Variants in TEAD1 observed in about 807,000 individuals in gnomAD.
TEAD1 encodes TEA domain transcription factor 1.
A neutral mutation model predicts 54.9 loss-of-function variants in TEAD1; 9 were observed. The observed-to-expected ratio is 0.16, with a 90% CI of 0.10 to 0.29. The LOEUF (loss-of-function observed/expected upper bound fraction) is 0.29, where lower values mean the gene tolerates loss of function less well. Ranked by LOEUF, TEAD1 falls within the 10% of genes least tolerant of loss-of-function variation. TEAD1 has a pLI of 1.00. For missense variants in TEAD1, 387 were observed against 535.9 expected (o/e 0.72, Z 2.74); for synonymous variants, 200 against 187.8 (o/e 1.07, Z -0.53).
chr11:12,837,198 C>CAA lies in TEAD1; in HGVS notation c.203-25052_203-25051insAA, dbSNP rs1387235560. Among the ~76,000 whole-genome samples the CAA allele has an allele frequency of 4.6e-5, 7 of 152,096 alleles. No homozygotes were observed. In the East Asian group the frequency reaches 1.3e-3, roughly 29 times the overall value. ...TAAAAGGGACGGTATAATTGGTTAC[C>CAA]CTCTTCCTTTCTTGCCCACTTAGCT... On this transcript the variant is annotated intron_variant, in intron 3 of 12. Transcript: ENST00000527636.
At chr11:12,884,677 A>G (rs1037131613) in intron 9 of TEAD1, among the ~76,000 whole-genome samples, 3 of 152,108 alleles carry the variant, frequency 2.0e-5, no homozygotes, top group Non-Finnish European at 4.4e-5. Context: ...AATTAGGGGG[A>G]AAAATGAGGG....
intron 5 of TEAD1, chr11:12,878,857 C>A (rs769853454): frequency 1.6e-4 from 199 of 1,267,082 alleles, no homozygotes; most frequent in Middle Eastern, 2.2e-4. Context: ...TTTATGCAAT[C>A]CTTTTAACAA....
At chr11:12,837,815 T>A (rs1461854291) in intron 3 of TEAD1, among the ~76,000 whole-genome samples, 2 of 150,588 alleles carry the variant, frequency 1.3e-5, no homozygotes, top group African/African-American at 2.4e-5. Flanking sequence ...CTTTTTTTTT[T>A]TTTTGAGACT....
chr11:12,857,718 C>T (rs1008854307), intron 3 of TEAD1, among the ~76,000 whole-genome samples: 17 of 151,764 alleles, frequency 1.1e-4, no homozygotes, highest in Non-Finnish European at 7.4e-5. Flanking sequence ...GGAAATGCTG[C>T]GTCTTAGTAA....
intron 11 of TEAD1, among the ~76,000 whole-genome samples, chr11:12,929,163 C>CGTGTGTGTGTGT (rs60060462): frequency 0.02 from 2,156 of 106,696 alleles, 94 homozygotes; most frequent in East Asian, 0.15. Context: ...TTTGCTTTGC[C>CGTGTGTGTGTGT]GTGTGTGTGT....
chr11:12,751,448 CAG>C (rs1436664879), intron 2 of TEAD1, among the ~76,000 whole-genome samples: 1 of 152,128 alleles, frequency 6.6e-6, no homozygotes, highest in Non-Finnish European at 1.5e-5. Flanking sequence ...TGTGGGAACA[CAG>C]AGGAGTGGGG....
chr11:12,935,619 C>G (rs1320380057), intron 12 of TEAD1, among the ~76,000 whole-genome samples: 1 of 152,054 alleles, frequency 6.6e-6, no homozygotes, highest in Admixed American at 6.5e-5. Flanking sequence ...GCCACTGTGC[C>G]CAGCTAATTT....
At chr11:12,691,502 AC>A (rs1310535888) in intron 2 of TEAD1, among the ~76,000 whole-genome samples, 9 of 152,066 alleles carry the variant, frequency 5.9e-5, no homozygotes, top group Admixed American at 2.0e-4. Flanking sequence ...TGCCATGTCA[AC>A]TCTAATCGTG....
chr11:12,756,685 A>G (rs1189160601), intron 2 of TEAD1, among the ~76,000 whole-genome samples: 1 of 152,202 alleles, frequency 6.6e-6, no homozygotes, highest in Non-Finnish European at 1.5e-5. Flanking sequence ...GTGAGGGTAT[A>G]GTGTATTTGA....
intron 2 of TEAD1, among the ~76,000 whole-genome samples, chr11:12,682,821 G>A (rs1412864974): frequency 2.6e-5 from 4 of 152,214 alleles, no homozygotes; most frequent in Admixed American, 2.0e-4. Flanking sequence ...ATGTACAGAG[G>A]TCATGGCAAT....
intron 11 of TEAD1, among the ~76,000 whole-genome samples, chr11:12,928,918 C>CT (rs1228346596): frequency 1.3e-5 from 2 of 152,134 alleles, no homozygotes; most frequent in African/African-American, 4.8e-5. Flanking sequence ...GATACAGCGC[C>CT]TTGGTATTAA....
At position 12,800,537 on chromosome 11, in the gene TEAD1, G is replaced by A. The variant is rs149779875; in HGVS notation, c.202+36103G>A. Among the ~76,000 whole-genome samples, 105 of 152,300 alleles carry A rather than the reference G, an allele frequency of 6.9e-4. 1 individual carries two copies. Among genetic ancestry groups the A allele is most frequent in the African/African-American group, 2.3e-3 (95 of 41,554 alleles). ...ACGTTCAGAGGGCTGATAAGGGAGGGGGACGCAAAGCATATCAATCAGGGA... is the reference window on the plus strand; with the variant it reads ...ACGTTCAGAGGGCTGATAAGGGAGGAGGACGCAAAGCATATCAATCAGGGA... On this transcript the variant is annotated intron_variant, in intron 3 of 12. Coordinates refer to ENST00000527636, the MANE Select transcript of TEAD1 (RefSeq NM_021961.6).
At chr11:12,712,355 A>G (rs1943958381) in intron 2 of TEAD1, among the ~76,000 whole-genome samples, 1 of 152,116 alleles carries the variant, frequency 6.6e-6, no homozygotes, top group Non-Finnish European at 1.5e-5. Flanking sequence ...TCTTCCTGTG[A>G]GAACCACTGA....
intron 3 of TEAD1, among the ~76,000 whole-genome samples, chr11:12,816,409 T>C (rs182067811): frequency 7.3e-4 from 111 of 152,328 alleles, no homozygotes; most frequent in African/African-American, 2.5e-3. Flanking sequence ...GAGCCCCTTT[T>C]CTTCTGCACG....
intron 3 of TEAD1, among the ~76,000 whole-genome samples, chr11:12,815,664 A>T (rs1337477450): frequency 6.6e-6 from 1 of 152,240 alleles, no homozygotes; most frequent in Non-Finnish European, 1.5e-5. Context: ...CTAAATTGTA[A>T]TCTGGGCAGA....
At chr11:12,681,563 A>G (rs534078757) in intron 2 of TEAD1, among the ~76,000 whole-genome samples, 235 of 152,288 alleles carry the variant, frequency 1.5e-3, no homozygotes, top group African/African-American at 5.3e-3. Flanking sequence ...AATCTCCCCT[A>G]CTGATGGATT....
In TEAD1 at chr11:12,675,549, C is replaced by T. The variant is rs1330762431; in HGVS notation, c.-67C>T. ...GGAGGAGACTCTCCCTGGAAAACTT[C>T]CCTTCCCTTTCGGTAGGAAATACTG... On this transcript the variant is annotated 5_prime_UTR_variant, in exon 2 of 13. Transcript: ENST00000527636. 6.6e-6 allele frequency: 1 copy of T among 152,230 alleles called. No individual in the cohort carries two copies. The highest frequency in any genetic ancestry group is 2.4e-5 in the African/African-American group (1 of 41,448). The allele number at this position is 152,230 out of a possible 1,614,324, so 9.4% of individuals were successfully genotyped here.
At chr11:12,789,919 G>T (rs1945761641) in intron 3 of TEAD1, among the ~76,000 whole-genome samples, 1 of 152,258 alleles carries the variant, frequency 6.6e-6, no homozygotes, top group African/African-American at 2.4e-5. Context: ...GGGGGCTGCT[G>T]CTTCCAGCTG....
chr11:12,813,298 C>T lies in TEAD1; in HGVS notation c.202+48864C>T, dbSNP rs151167766. 3.8e-3 allele frequency among the ~76,000 whole-genome samples: 575 copies of T among 152,280 alleles called. 2 individuals are homozygous for T. The highest frequency in any genetic ancestry group is 0.013 in the African/African-American group (546 of 41,568). Reference sequence around the variant, plus strand: ...GTTTCTTTTCTCTGTGAAGTTATGGCAGTGCCATCTTCCAATCAGCCATCA... The same window carrying T: ...GTTTCTTTTCTCTGTGAAGTTATGGTAGTGCCATCTTCCAATCAGCCATCA... On this transcript the variant is annotated intron_variant, in intron 3 of 12. Coordinates refer to ENST00000527636, the MANE Select transcript of TEAD1 (RefSeq NM_021961.6).
Sources: allele counts gnomAD v4.1 joint callset (sites outside exome capture counted in the v4.1 genomes callset), GRCh38; gene constraint gnomAD v4.1.1; transcripts MANE v1.5; gene names NCBI Gene and HGNC (gene_info 2026-07-23, HGNC 2026-07-21).